ALDH1A2: variants seen among roughly 807,000 people sequenced by gnomAD.
ALDH1A2 encodes aldehyde dehydrogenase 1 family member A2.
ALDH1A2 carries 27 observed loss-of-function variants against 60.3 expected under a neutral mutation model. That is an observed-to-expected ratio of 0.45 (90% CI 0.33 to 0.62). The LOEUF (loss-of-function observed/expected upper bound fraction) is 0.62, where lower values mean the gene tolerates loss of function less well. Ranked by LOEUF, ALDH1A2 falls within the 20% of genes least tolerant of loss-of-function variation. The probability of loss-of-function intolerance (pLI) is 0.02; values close to 1 mark genes in which losing one functional copy is unlikely to be tolerated. For synonymous variants in ALDH1A2, 289 were observed against 232.4 expected (o/e 1.24, Z -2.21); for missense variants, 581 against 643.8 (o/e 0.90, Z 1.06).
intron 7 of ALDH1A2, among the ~76,000 whole-genome samples, chr15:57,983,832 A>G (rs1263645691): frequency 6.6e-6 from 1 of 152,220 alleles, no homozygotes; most frequent in African/African-American, 2.4e-5. Flanking sequence ...AGTGCTTGAT[A>G]AATGTTTGTG....
intron 9 of ALDH1A2, among the ~76,000 whole-genome samples, chr15:57,962,558 G>A (rs2140450840): frequency 6.6e-6 from 1 of 152,198 alleles, no homozygotes; most frequent in East Asian, 1.9e-4. Flanking sequence ...AGTAAAAAGA[G>A]GCAAAAATTA....
At chr15:58,063,440 C>T (rs1183987936) in intron 1 of ALDH1A2, among the ~76,000 whole-genome samples, 1 of 152,104 alleles carries the variant, frequency 6.6e-6, no homozygotes, top group African/African-American at 2.4e-5. Context: ...TATAATTTCC[C>T]TCACTTCTGG....
At chr15:58,052,126 T>G (rs1233831669) in intron 1 of ALDH1A2, among the ~76,000 whole-genome samples, 1 of 152,188 alleles carries the variant, frequency 6.6e-6, no homozygotes, top group Non-Finnish European at 1.5e-5. Context: ...GCCACTCATT[T>G]ATATAACGAG....
chr15:58,002,753 G>A (rs1183980583), intron 4 of ALDH1A2, among the ~76,000 whole-genome samples: 1 of 151,818 alleles, frequency 6.6e-6, no homozygotes, highest in Non-Finnish European at 1.5e-5. Context: ...AGTGAATGAA[G>A]GTCATCTTCC....
intron 12 of ALDH1A2, among the ~76,000 whole-genome samples, chr15:57,959,603 T>C (rs1236728624): frequency 6.6e-6 from 1 of 152,208 alleles, no homozygotes; most frequent in Non-Finnish European, 1.5e-5. Context: ...TGTTGGATGT[T>C]TGCATACTTA....
chr15:58,037,869 C>T (rs1319071841), intron 1 of ALDH1A2, among the ~76,000 whole-genome samples: 2 of 151,790 alleles, frequency 1.3e-5, no homozygotes, highest in Admixed American at 1.3e-4. Context: ...ATAAAAAGGA[C>T]TTTGATATCA....
At chr15:57,996,298 C>CCTCTCTCTCTCTCT (rs35255029) in intron 4 of ALDH1A2, among the ~76,000 whole-genome samples, 1 of 144,862 alleles carries the variant, frequency 6.9e-6, no homozygotes, top group Non-Finnish European at 1.5e-5. Flanking sequence ...AAAGTCTTGG[C>CCTCTCTCTCTCTCT]CTCTCTCTCT....
intron 1 of ALDH1A2, among the ~76,000 whole-genome samples, chr15:58,023,021 CA>C (rs1287910764): frequency 1.3e-5 from 2 of 152,124 alleles, no homozygotes; most frequent in South Asian, 4.1e-4. Context: ...TTCAAAATCC[CA>C]GATAAAGAAT....
In ALDH1A2 at chr15:58,029,845, C is replaced by G. The variant is rs138951816; in HGVS notation, c.118-15564G>C. The stretch of plus-strand genomic sequence containing the variant: ...CTCCCAAGAATAAACCAGGAAGAAG[C>G]TGAATCTCTGAATAGACCAATAATC... On this transcript the variant is annotated intron_variant, in intron 1 of 12. Coordinates refer to ENST00000249750, the MANE Select transcript of ALDH1A2 (RefSeq NM_003888.4). Among the ~76,000 whole-genome samples, 28 of 152,176 alleles carry G rather than the reference C, an allele frequency of 1.8e-4. No individual in the cohort carries two copies. In the East Asian group the frequency reaches 5.4e-3, roughly 29 times the overall value.
chr15:58,040,710 A>G (rs1896499854), intron 1 of ALDH1A2, among the ~76,000 whole-genome samples: 1 of 151,964 alleles, frequency 6.6e-6, no homozygotes, highest in South Asian at 2.1e-4. Flanking sequence ...AGGTAGTAGA[A>G]ATAATATAAA....
intron 4 of ALDH1A2, among the ~76,000 whole-genome samples, chr15:58,002,904 C>G (rs1325983614): frequency 2.0e-5 from 3 of 151,784 alleles, no homozygotes; most frequent in Non-Finnish European, 4.4e-5. Flanking sequence ...TGACGTTGAA[C>G]AGACCTCACC....
At chr15:58,004,349 G>A (rs1274583124) in intron 4 of ALDH1A2, among the ~76,000 whole-genome samples, 7 of 151,760 alleles carry the variant, frequency 4.6e-5, no homozygotes, top group African/African-American at 1.2e-4. Flanking sequence ...TAGATTCAAC[G>A]GGTTTATGTG....
chr15:57,971,567 C>T (rs534326385), intron 7 of ALDH1A2, among the ~76,000 whole-genome samples: 2 of 151,908 alleles, frequency 1.3e-5, no homozygotes, highest in South Asian at 4.2e-4. Flanking sequence ...GGACTACAGG[C>T]ACTTGCCATC....
intron 7 of ALDH1A2, among the ~76,000 whole-genome samples, chr15:57,969,799 G>C (rs1393582197): frequency 6.6e-6 from 1 of 151,554 alleles, no homozygotes; most frequent in East Asian, 1.9e-4. Flanking sequence ...CTTCCAAGCA[G>C]AAAAGATTTT....
intron 7 of ALDH1A2, among the ~76,000 whole-genome samples, chr15:57,970,943 G>A (rs1302438847): frequency 6.6e-6 from 1 of 152,146 alleles, no homozygotes; most frequent in Non-Finnish European, 1.5e-5. Flanking sequence ...TCTTTCTGAA[G>A]TACCCAGAAA....
intron 1 of ALDH1A2, among the ~76,000 whole-genome samples, chr15:58,042,994 A>T (rs768860826): frequency 1.3e-5 from 2 of 151,928 alleles, no homozygotes; most frequent in Non-Finnish European, 2.9e-5. Context: ...ATAAGGGGAT[A>T]CCCTTATAAA....
intron 3 of ALDH1A2, among the ~76,000 whole-genome samples, chr15:58,011,114 T>A (rs1218780109): frequency 6.6e-6 from 1 of 150,908 alleles, no homozygotes; most frequent in Admixed American, 6.6e-5. Context: ...TCACTGGGGA[T>A]TTTTTGGCAT....
Position 58,061,874 on chromosome 15 carries a change from T to C in ALDH1A2, c.117+3660A>G, listed in dbSNP as rs1277603269. Among the ~76,000 whole-genome samples, 7 of 152,232 alleles carry C rather than the reference T, an allele frequency of 4.6e-5. No homozygotes were observed. In the East Asian group the frequency reaches 1.4e-3, roughly 29 times the overall value. On this transcript the variant is annotated intron_variant, in intron 1 of 12. Transcript: ENST00000249750. Reference sequence around the variant, plus strand: ...AATTATCATCATCATTATTATTACATTGATCAACTGAACTACTGCTGTACT... The same window carrying C: ...AATTATCATCATCATTATTATTACACTGATCAACTGAACTACTGCTGTACT...
In ALDH1A2 at chr15:57,957,368, G is replaced by A. The variant is rs548369580; in HGVS notation, c.1485-2099C>T. On this transcript the variant is annotated intron_variant, in intron 12 of 12. Coordinates refer to ENST00000249750, the MANE Select transcript of ALDH1A2 (RefSeq NM_003888.4). ...AAAGATTCAGTTTCAGAAGCTCTAC[G>A]GAGGGACCAGGAGACTGAGAGACAG... Among the ~76,000 whole-genome samples, 109 of 152,260 alleles carry A rather than the reference G, an allele frequency of 7.2e-4. 3 individuals carry two copies. The South Asian group carries it at 0.02, about 28-fold the overall frequency.
Sources: gnomAD v4.1 joint callset for allele counts (sites outside exome capture counted in the v4.1 genomes callset) on GRCh38, gnomAD v4.1.1 for gene constraint, MANE v1.5 for transcripts, NCBI Gene and HGNC (gene_info 2026-07-23, HGNC 2026-07-21) for gene names.